CLVS1: variants seen among roughly 807,000 people sequenced by gnomAD.
CLVS1 encodes the protein clavesin 1.
Under a neutral mutation model 33.1 loss-of-function variants are expected in CLVS1, and 10 were observed. That is an observed-to-expected ratio of 0.30 (90% CI 0.19 to 0.51). The LOEUF is 0.51. Among genes scored for constraint, CLVS1 ranks in the 20% least tolerant of loss-of-function variants. The probability of loss-of-function intolerance (pLI) is 0.97; values close to 1 mark genes in which losing one functional copy is unlikely to be tolerated. For synonymous variants in CLVS1, 163 were observed against 166.1 expected (o/e 0.98, Z 0.14); for missense variants, 343 against 433.4 (o/e 0.79, Z 1.85).
chr8:61,160,894 C>T (rs79906155), intron 2 of CLVS1, among the ~76,000 whole-genome samples: 5,189 of 152,118 alleles, frequency 0.034, 95 homozygotes, highest in Middle Eastern at 0.041. Context: ...AGAATACTCT[C>T]GTAGAAGAGG....
intron 2 of CLVS1, among the ~76,000 whole-genome samples, chr8:61,350,511 T>C (rs1363014739): frequency 6.6e-6 from 1 of 152,148 alleles, no homozygotes; most frequent in African/African-American, 2.4e-5. Context: ...ATTAGGAGAT[T>C]TTTGGATCCT....
the CLVS1 span, among the ~76,000 whole-genome samples, chr8:60,977,832 A>T: frequency 1.6e-4 from 24 of 151,040 alleles, no homozygotes; most frequent in East Asian, 3.1e-3. Flanking sequence ...CAAGAGGCAT[A>T]AACTCAAAGA....
intron 2 of CLVS1, among the ~76,000 whole-genome samples, chr8:61,226,876 T>C (rs1468758528): frequency 6.6e-6 from 1 of 152,156 alleles, no homozygotes; most frequent in Non-Finnish European, 1.5e-5. Context: ...GCTGCAGTAA[T>C]GACAGTCTCC....
chr8:61,085,046 T>A (rs1805093815), intron 1 of CLVS1, among the ~76,000 whole-genome samples: 2 of 152,182 alleles, frequency 1.3e-5, no homozygotes, highest in African/African-American at 2.4e-5. Flanking sequence ...ACATCAGAAC[T>A]GCTATATTAG....
Position 61,499,698 on chromosome 8 carries a change from T to C in CLVS1, c.*156T>C. On this transcript the variant is annotated 3_prime_UTR_variant, in exon 6 of 6. Transcript: ENST00000325897. ...TGCAGTGACTGTCACCAGCCATCGG[T>C]CTGAGCAGCCAAAGTTGGACAAAGA... 1 of 486,276 alleles carries C rather than the reference T, an allele frequency of 2.1e-6. No homozygotes were observed. The highest frequency in any genetic ancestry group is 3.7e-6 in the Non-Finnish European group (1 of 269,306). 30.1% of individuals were successfully genotyped at this position (486,276 alleles called of 1,614,324 possible). A position where few individuals can be genotyped will look rare whatever the true frequency, so the allele number is the denominator to read the frequency against.
the CLVS1 span, among the ~76,000 whole-genome samples, chr8:61,037,263 A>G: frequency 6.6e-6 from 1 of 152,200 alleles, no homozygotes; most frequent in South Asian, 2.1e-4. Flanking sequence ...GAATCTCTGT[A>G]CCCATTAAAC....
At chr8:61,473,347 A>G (rs1373669114) in intron 5 of CLVS1, among the ~76,000 whole-genome samples, 1 of 150,874 alleles carries the variant, frequency 6.6e-6, no homozygotes, top group African/African-American at 2.4e-5. Context: ...AATTTAAAAA[A>G]AAAAAAAAAA....
At chr8:61,017,358 C>T in the CLVS1 span, among the ~76,000 whole-genome samples, 2 of 152,232 alleles carry the variant, frequency 1.3e-5, no homozygotes, top group Non-Finnish European at 2.9e-5. Flanking sequence ...TGGGTGCCTT[C>T]GCACAGTGCT....
the CLVS1 span, among the ~76,000 whole-genome samples, chr8:60,982,833 G>A: frequency 6.6e-6 from 1 of 152,170 alleles, no homozygotes; most frequent in African/African-American, 2.4e-5. Context: ...AGTGACTCAG[G>A]AGGCTGAGAC....
chr8:61,404,893 T>G (rs1814925430), intron 3 of CLVS1, among the ~76,000 whole-genome samples: 1 of 152,110 alleles, frequency 6.6e-6, no homozygotes, highest in African/African-American at 2.4e-5. Flanking sequence ...AGGAGGAGAT[T>G]CTATGTCAAG....
chr8:60,992,591 A>G, the CLVS1 span, among the ~76,000 whole-genome samples: 1 of 152,246 alleles, frequency 6.6e-6, no homozygotes, highest in African/African-American at 2.4e-5. Context: ...ATTCAAAAGG[A>G]AAAGGAAACA....
chr8:60,969,285 A>G, the CLVS1 span, among the ~76,000 whole-genome samples: 2 of 152,318 alleles, frequency 1.3e-5, no homozygotes, highest in Non-Finnish European at 2.9e-5. Flanking sequence ...AGTTGTTTCA[A>G]TATTGCTTAT....
At chr8:61,342,463 GCT>G (rs1337302814) in intron 2 of CLVS1, among the ~76,000 whole-genome samples, 1 of 152,162 alleles carries the variant, frequency 6.6e-6, no homozygotes, top group Admixed American at 6.5e-5. Context: ...TGTCTGCCTT[GCT>G]CTCTATCTTG....
the CLVS1 span, among the ~76,000 whole-genome samples, chr8:60,977,393 A>G: frequency 2.0e-5 from 3 of 152,238 alleles, no homozygotes; most frequent in African/African-American, 7.2e-5. Context: ...CAGTAAATCG[A>G]CAGTCTTAAA....
chr8:60,984,174 A>G, the CLVS1 span, among the ~76,000 whole-genome samples: 4 of 152,126 alleles, frequency 2.6e-5, no homozygotes, highest in African/African-American at 9.7e-5. Flanking sequence ...TATCTTTCTC[A>G]TTCCAGCACC....
rs373479247 is a variant in CLVS1 at position 61,305,230 on chromosome 8, A to AAT, written c.455+4962_455+4963dup. Among the ~76,000 whole-genome samples the AAT allele has an allele frequency of 8.2e-4, 123 of 150,864 alleles. No homozygotes were observed. The East Asian group carries it at 8.4e-3, about 10-fold the overall frequency. The stretch of plus-strand genomic sequence containing the variant: ...TTGTAATAATTTGTTATTGAGGTAA[A>AAT]ATATATATATATATAATTTAATATC... On this transcript the variant is annotated intron_variant, in intron 2 of 5. Transcript: ENST00000325897.
At chr8:61,145,215 G>A (rs1806391584) in intron 2 of CLVS1, among the ~76,000 whole-genome samples, 1 of 152,118 alleles carries the variant, frequency 6.6e-6, no homozygotes, top group Non-Finnish European at 1.5e-5. Context: ...TCTGACAAAG[G>A]GCTAATATCC....
chr8:61,293,865 A>C (rs919461704), intron 1 of CLVS1, among the ~76,000 whole-genome samples: 2 of 152,140 alleles, frequency 1.3e-5, no homozygotes, highest in African/African-American at 4.8e-5. Flanking sequence ...CCCACAAAAC[A>C]AATATGGCTA....
At chr8:61,216,565 G>A (rs776074668) in intron 2 of CLVS1, among the ~76,000 whole-genome samples, 1 of 152,200 alleles carries the variant, frequency 6.6e-6, no homozygotes, top group Non-Finnish European at 1.5e-5. Context: ...GGAGGAAGAT[G>A]GAGGAACCAG....
Sources: gnomAD v4.1 joint callset for allele counts (sites outside exome capture counted in the v4.1 genomes callset) on GRCh38, gnomAD v4.1.1 for gene constraint, MANE v1.5 for transcripts, NCBI Gene and HGNC (gene_info 2026-07-23, HGNC 2026-07-21) for gene names.